Variants in MMP3 observed in about 807,000 individuals in gnomAD.
MMP3 encodes matrix metallopeptidase 3, also known as stromelysin-1.
Under a neutral mutation model 47.3 loss-of-function variants are expected in MMP3, and 46 were observed. The ratio of observed to expected loss-of-function variants is 0.97; its 90% CI spans 0.77 to 1.24. The LOEUF (loss-of-function observed/expected upper bound fraction) is 1.24. Among genes scored for constraint, MMP3 ranks in the 50% most tolerant of loss-of-function variants. The pLI, the probability that MMP3 is intolerant of heterozygous loss-of-function variation, is 0.00. For missense variants in MMP3, 558 were observed against 565.5 expected, an observed-to-expected ratio of 0.99 and a Z score of 0.13; for synonymous variants, 216 against 206.5, an observed-to-expected ratio of 1.05 and a Z score of -0.39.
At chr11:102,838,996 A>T in intron 7 of MMP3, 114 bp downstream of exon 7, 1 of 1,106,480 alleles carries the variant, frequency 9.0e-7, no homozygotes, top group Non-Finnish European at 1.3e-6. Flanking sequence ...TTTCTTCATT[A>T]CCGTTGACTA....
At position 102,838,697 on chromosome 11, in the gene MMP3, C is replaced by A; in HGVS notation, c.1083G>T (p.Trp361Cys). ...CTCGTACCTCATTTCCTCTGATAGC[C>A]CAGAATTGATTTCCTGTTAAATATA... ...LVFIFKGNQFWAIRGNEVRAG... is the reference protein window; with the variant it reads ...LVFIFKGNQFCAIRGNEVRAG... Residue 361 changes from tryptophan (W) to cysteine (C), a missense_variant, in exon 8 of 10, where the codon TGG (tryptophan) becomes TGT (cysteine). Transcript: ENST00000299855. The A allele has an allele frequency of 6.2e-7, 1 of 1,612,134 alleles. No individual in the cohort carries two copies. The highest frequency in any genetic ancestry group is 1.1e-5 in the South Asian group (1 of 90,916).
intron 6 of MMP3, 110 bp from the exon 7 acceptor site, chr11:102,839,353 G>T: frequency 7.9e-7 from 1 of 1,258,530 alleles, no homozygotes; most frequent in Non-Finnish European, 1.1e-6. Flanking sequence ...CATCTTCTAG[G>T]CTGGATGACA....
At position 102,843,500 on chromosome 11, in the gene MMP3, G is replaced by T; in HGVS notation, c.47C>A (p.Ser16Ter). The change falls in exon 1 of 10, where the codon TCA becomes TAA. Residue 16 changes from serine (S) to a stop codon, truncating the protein, a stop_gained. Transcript: ENST00000299855. LOFTEE classifies it high-confidence loss of function. ...ILLLLCVAVC[S>*]AYPLDGAARG... is the part of the protein sequence containing the mutation. The stretch of plus-strand genomic sequence containing the variant: ...TGCAGCTCCATCCAATGGATAGGCT[G>T]AGCAAACTGCCACGCACAGCAACAG... 6.2e-7 allele frequency: 1 copy of T among 1,613,684 alleles called. No individual in the cohort carries two copies. Among genetic ancestry groups the T allele is most frequent in the Non-Finnish European group, 8.5e-7 (1 of 1,179,820 alleles).
chr11:102,838,059 A>G (rs1234612061), intron 8 of MMP3, among the ~76,000 whole-genome samples: 2 of 152,188 alleles, frequency 1.3e-5, no homozygotes, highest in African/African-American at 2.4e-5. Flanking sequence ...GGTTAGAGGT[A>G]GCCCTTGAAA....
Position 102,840,613 on chromosome 11 carries a change from C to A in MMP3, c.626-20G>T, listed in dbSNP as rs536635855. The A allele has an allele frequency of 7.4e-6, 12 of 1,611,014 alleles. No individual in the cohort carries two copies. The East Asian group carries it at 1.1e-4, about 15-fold the overall frequency. ...TGGTCCCTATTTAAGAAATTGAGAA[C>A]AATAGTTACTTATTTTTTAAATACA... is the stretch of plus-strand genomic sequence containing the variant. On this transcript the variant is annotated intron_variant, in intron 4 of 9. Coordinates refer to ENST00000299855, the MANE Select transcript of MMP3 (RefSeq NM_002422.5).
chr11:102,838,469 G>T, intron 8 of MMP3, 82 bp downstream of exon 8: 3 of 1,449,838 alleles, frequency 2.1e-6, no homozygotes, highest in South Asian at 1.3e-5. Flanking sequence ...CAGGCCTAAG[G>T]TTGGGGTGGG....
At position 102,835,968 on chromosome 11, in the gene MMP3, A is replaced by C. The variant is rs1555004492; in HGVS notation, c.*158T>G. ...TTGAATGCCCTGTAATAACATAAAA[A>C]TGACCGGCAAGATACAGATTCACGC... On this transcript the variant is annotated 3_prime_UTR_variant, in exon 10 of 10. Coordinates refer to ENST00000299855, the MANE Select transcript of MMP3 (RefSeq NM_002422.5). 3 of 599,976 alleles carry C rather than the reference A, an allele frequency of 5.0e-6. No homozygotes were observed. In the African/African-American group the frequency reaches 5.6e-5, roughly 11 times the overall value. 37.2% of individuals were successfully genotyped at this position (599,976 alleles called of 1,614,324 possible).
Position 102,842,816 on chromosome 11 carries a change from T to G in MMP3, c.206A>C (p.Lys69Thr), listed in dbSNP as rs782511984. ...PVVKKIREMQ[K>T]FLGLEVTGKL... Reference sequence around the variant, plus strand: ...CCCCGTCACCTCCAATCCAAGGAACTTCTGCATTTCTCGGATTTTTTTAAC... The same window carrying G: ...CCCCGTCACCTCCAATCCAAGGAACGTCTGCATTTCTCGGATTTTTTTAAC... Residue 69 changes from lysine to threonine, a missense_variant, in exon 2 of 10, where the codon AAG becomes ACG. Physicochemically the swap from Lys to Thr is moderately conservative, Grantham distance 78. Coordinates refer to ENST00000299855, the MANE Select transcript of MMP3 (RefSeq NM_002422.5). 1.9e-6 allele frequency: 3 copies of G among 1,613,966 alleles called. No individual in the cohort carries two copies. The highest frequency in any genetic ancestry group is 3.3e-5 in the Admixed American group (2 of 59,958).
At chr11:102,840,048 GT>G in intron 6 of MMP3, 59 bp downstream of exon 6, 1 of 1,513,258 alleles carries the variant, frequency 6.6e-7, no homozygotes. Flanking sequence ...GTTTCTGCGT[GT>G]TTTCCTTTCT....
chr11:102,840,375 T>C (rs1429851659), intron 5 of MMP3, 54 bp downstream of exon 5: 11 of 1,600,814 alleles, frequency 6.9e-6, no homozygotes, highest in African/African-American at 1.3e-5. Context: ...TGAAAGCTCT[T>C]CTGAAGACCA....
At chr11:102,843,372 A>T in intron 1 of MMP3, 70 bp downstream of exon 1, 3 of 1,078,140 alleles carry the variant, frequency 2.8e-6, no homozygotes, top group Non-Finnish European at 2.8e-6. Flanking sequence ...TGTGGGTTTT[A>T]AGACACACAG....
chr11:102,842,967 C>T, intron 1 of MMP3, 51 bp from the exon 2 acceptor site: 1 of 1,440,528 alleles, frequency 6.9e-7, no homozygotes, highest in African/African-American at 1.4e-5. Flanking sequence ...TTTACTATAG[C>T]TATCTATTTA....
At chr11:102,839,300 A>G in intron 6 of MMP3, 57 bp from the exon 7 acceptor site, 1 of 1,602,784 alleles carries the variant, frequency 6.2e-7, no homozygotes, top group Non-Finnish European at 8.5e-7. Flanking sequence ...CCTTTAGAAT[A>G]TTTTCCTCAC....
At position 102,836,463 on chromosome 11, in the gene MMP3, A is replaced by G. The variant is rs1555004564; in HGVS notation, c.1334-237T>C. The G allele has an allele frequency of 1.7e-6, 1 of 591,496 alleles. No homozygotes were observed. Among genetic ancestry groups the G allele is most frequent in the African/African-American group, 1.8e-5 (1 of 54,300 alleles). 36.6% of individuals were successfully genotyped at this position (591,496 alleles called of 1,614,324 possible). Reference sequence around the variant, plus strand: ...ATTGAGCAAGTTGAGGTTGAGACAGATTTCGATGCTTCCTCAAGGTTACTC... The same window carrying G: ...ATTGAGCAAGTTGAGGTTGAGACAGGTTTCGATGCTTCCTCAAGGTTACTC... On this transcript the variant is annotated intron_variant, in intron 9 of 9. Coordinates refer to ENST00000299855, the MANE Select transcript of MMP3 (RefSeq NM_002422.5). This position sits in a 1 kb window ranked among gnomAD's most constrained non-coding sequence, Gnocchi z 4.6.
In MMP3 at chr11:102,836,232, A is replaced by G. The variant is rs782060422; in HGVS notation, c.1334-6T>C. ...AGTAAAGAAATAAAAGAACCCTGCA[A>G]ATACAGACAAGGGAAATAGTAAGAT... On this transcript the variant is annotated splice_region_variant and splice_polypyrimidine_tract_variant and intron_variant, in intron 9 of 9. Transcript: ENST00000299855. The surrounding 1 kb of genome is among the most constrained non-coding windows in gnomAD (Gnocchi z 4.6). The G allele has an allele frequency of 1.2e-6, 2 of 1,600,216 alleles. No individual in the cohort carries two copies. Among genetic ancestry groups the G allele is most frequent in the Non-Finnish European group, 1.7e-6 (2 of 1,168,502 alleles).
chr11:102,838,477 G>A (rs1329332544), intron 8 of MMP3, 74 bp downstream of exon 8: 4 of 1,478,998 alleles, frequency 2.7e-6, no homozygotes, highest in Non-Finnish European at 3.7e-6. Flanking sequence ...AGGTTGGGGT[G>A]GGGGATTTCC....
Position 102,836,256 on chromosome 11 carries a change from A to G in MMP3, c.1334-30T>C. 6.6e-7 allele frequency: 1 copy of G among 1,524,846 alleles called. No homozygotes were observed. 94.5% of individuals were successfully genotyped at this position (1,524,846 alleles called of 1,614,324 possible). A position where few individuals can be genotyped will look rare whatever the true frequency, so the allele number is the denominator to read the frequency against. Reference sequence around the variant, plus strand: ...AAATACAGACAAGGGAAATAGTAAGATATTTTTCCAAATAAAGACATTTGA... The same window carrying G: ...AAATACAGACAAGGGAAATAGTAAGGTATTTTTCCAAATAAAGACATTTGA... On this transcript the variant is annotated intron_variant, in intron 9 of 9. Coordinates refer to ENST00000299855, the MANE Select transcript of MMP3 (RefSeq NM_002422.5). The surrounding 1 kb of genome is among the most constrained non-coding windows in gnomAD (Gnocchi z 4.6).
chr11:102,841,812 A>G (rs1859002969), intron 4 of MMP3, among the ~76,000 whole-genome samples: 1 of 152,148 alleles, frequency 6.6e-6, no homozygotes, highest in African/African-American at 2.4e-5. Context: ...AGTAACATCC[A>G]GAGCACATTT....
chr11:102,838,994 T>C, intron 7 of MMP3, 116 bp downstream of exon 7: 6 of 1,107,018 alleles, frequency 5.4e-6, no homozygotes, highest in Non-Finnish European at 6.5e-6. Flanking sequence ...TATTTCTTCA[T>C]TACCGTTGAC....
Sources: gnomAD v4.1 joint callset for allele counts (sites outside exome capture counted in the v4.1 genomes callset) on GRCh38, gnomAD v4.1.1 for gene constraint, Gnocchi (gnomAD v3.1) non-coding constraint, MANE v1.5 for transcripts, NCBI Gene and HGNC (gene_info 2026-07-23, HGNC 2026-07-21) for gene names.